Variants in TMEM178B observed in about 807,000 individuals in gnomAD.
The protein encoded by TMEM178B is transmembrane protein 178B.
In TMEM178B, 5 loss-of-function variants were observed where a neutral mutation model predicts 31.0. The ratio of observed to expected loss-of-function variants is 0.16; its 90% CI spans 0.08 to 0.34. The LOEUF (loss-of-function observed/expected upper bound fraction) is 0.34, where lower values mean the gene tolerates loss of function less well. TMEM178B is among the 10% of genes least tolerant of loss of function. The probability of loss-of-function intolerance (pLI) is 1.00; values close to 1 mark genes in which losing one functional copy is unlikely to be tolerated. For missense variants in TMEM178B, 275 were observed against 400.3 expected (o/e 0.69, Z 2.67); for synonymous variants, 164 against 164.0 (o/e 1.00, Z 0.00).
chr7:141,157,552 G>A (rs1796093146), intron 1 of TMEM178B, among the ~76,000 whole-genome samples: 1 of 152,080 alleles, frequency 6.6e-6, no homozygotes, highest in African/African-American at 2.4e-5. Flanking sequence ...GAGAGAGGAG[G>A]TCTGGGTCCA....
downstream of TMEM178B, among the ~76,000 whole-genome samples, chr7:141,485,284 G>C (rs138239579): frequency 2.7e-3 from 407 of 152,320 alleles, 3 homozygotes; most frequent in African/African-American, 8.7e-3. Context: ...AGATTGCAAA[G>C]ATTTCATTCA....
chr7:141,174,375 G>A (rs760932842), intron 1 of TMEM178B, among the ~76,000 whole-genome samples: 1 of 152,138 alleles, frequency 6.6e-6, no homozygotes, highest in African/African-American at 2.4e-5. Context: ...ATGGGCATTT[G>A]GGTTGTTCCA....
chr7:141,124,435 T>C (rs1795457217), intron 1 of TMEM178B, among the ~76,000 whole-genome samples: 2 of 152,158 alleles, frequency 1.3e-5, no homozygotes, highest in Non-Finnish European at 2.9e-5. Flanking sequence ...GGTTAGTCTA[T>C]CTGGTAATGA....
At chr7:141,400,493 C>T (rs956503240) in intron 2 of TMEM178B, among the ~76,000 whole-genome samples, 1 of 152,176 alleles carries the variant, frequency 6.6e-6, no homozygotes, top group African/African-American at 2.4e-5. Flanking sequence ...CCTAGAACCT[C>T]CTGTCTCCTC....
intron 2 of TMEM178B, among the ~76,000 whole-genome samples, chr7:141,321,792 C>G (rs561056766): frequency 6.6e-6 from 1 of 151,090 alleles, no homozygotes; most frequent in Admixed American, 6.6e-5. Context: ...TGCCCAGGCC[C>G]TGCCCTGGAG....
At chr7:141,217,458 G>A (rs904761431) in intron 2 of TMEM178B, among the ~76,000 whole-genome samples, 4 of 152,234 alleles carry the variant, frequency 2.6e-5, no homozygotes, top group Non-Finnish European at 4.4e-5. Flanking sequence ...AAGGAACTGG[G>A]ATGGCATGGA....
rs1032609902 is a variant in TMEM178B at position 141,323,256 on chromosome 7, C to A, written c.496+110552C>A. Among the ~76,000 whole-genome samples the A allele has an allele frequency of 5.9e-5, 9 of 152,184 alleles. 1 individual carries two copies. In the Middle Eastern group the frequency reaches 9.5e-3, roughly 161 times the overall value. On this transcript the variant is annotated intron_variant, in intron 2 of 3. Transcript: ENST00000565468. ...AAGAAAGCAAAAATCTCCTTAAATTCTTCTACCAAGATTGGCTGATTTGCC... is the reference window on the plus strand; with the variant it reads ...AAGAAAGCAAAAATCTCCTTAAATTATTCTACCAAGATTGGCTGATTTGCC...
At chr7:141,247,204 T>C (rs1368054741) in intron 2 of TMEM178B, among the ~76,000 whole-genome samples, 1 of 149,976 alleles carries the variant, frequency 6.7e-6, no homozygotes, top group Non-Finnish European at 1.5e-5. Flanking sequence ...GGTTTCTCTC[T>C]ACACACACAC....
At chr7:141,364,742 A>G (rs1472164822) in intron 2 of TMEM178B, among the ~76,000 whole-genome samples, 1 of 151,598 alleles carries the variant, frequency 6.6e-6, no homozygotes, top group Non-Finnish European at 1.5e-5. Context: ...TAGGTAACCC[A>G]AAGAATGGAG....
intron 1 of TMEM178B, among the ~76,000 whole-genome samples, chr7:141,124,975 C>A (rs1338199350): frequency 6.6e-6 from 1 of 152,124 alleles, no homozygotes; most frequent in African/African-American, 2.4e-5. Flanking sequence ...CCTAATATCC[C>A]CCTTTATTCT....
intron 2 of TMEM178B, among the ~76,000 whole-genome samples, chr7:141,268,067 G>A (rs1563136555): frequency 1.3e-5 from 2 of 152,164 alleles, no homozygotes; most frequent in Non-Finnish European, 2.9e-5. Context: ...TCTACAAAAT[G>A]TTCATGGAAA....
intron 1 of TMEM178B, among the ~76,000 whole-genome samples, chr7:141,197,285 A>G (rs1796798690): frequency 6.6e-6 from 1 of 152,236 alleles, no homozygotes; most frequent in East Asian, 1.9e-4. Context: ...AGAGGGCTTC[A>G]TTAATTTGGC....
At chr7:141,194,851 G>A (rs1321205932) in intron 1 of TMEM178B, among the ~76,000 whole-genome samples, 2 of 152,194 alleles carry the variant, frequency 1.3e-5, no homozygotes, top group African/African-American at 4.8e-5. Flanking sequence ...TGAAGTCTAG[G>A]TGCAGGTTCC....
chr7:141,401,722 A>G (rs1163087761), intron 2 of TMEM178B, among the ~76,000 whole-genome samples: 1 of 152,140 alleles, frequency 6.6e-6, no homozygotes, highest in African/African-American at 2.4e-5. Context: ...TATCTTTTTT[A>G]CAGGACAGAA....
chr7:141,307,439 C>T (rs1421974322), intron 2 of TMEM178B, among the ~76,000 whole-genome samples: 1 of 152,210 alleles, frequency 6.6e-6, no homozygotes, highest in South Asian at 2.1e-4. Flanking sequence ...GCGGCTGCCA[C>T]TCACTTGCTG....
intron 1 of TMEM178B, among the ~76,000 whole-genome samples, chr7:141,167,194 A>G (rs947457628): frequency 6.6e-6 from 1 of 152,216 alleles, no homozygotes; most frequent in Non-Finnish European, 1.5e-5. Flanking sequence ...GACACATGGA[A>G]CTAGTCTCCT....
rs975416278 is a variant in TMEM178B at position 141,476,099 on chromosome 7, C to T, written c.*5313C>T. The T allele has an allele frequency of 6.6e-6, 1 of 152,138 alleles. No homozygotes were observed. The highest frequency in any genetic ancestry group is 2.4e-5 in the African/African-American group (1 of 41,440). 9.4% of individuals were successfully genotyped at this position (152,138 alleles called of 1,614,324 possible). On this transcript the variant is annotated 3_prime_UTR_variant, in exon 4 of 4. Transcript: ENST00000565468. The stretch of plus-strand genomic sequence containing the variant: ...TGTTCTAATTATCCCTCAGAAGACC[C>T]CCCGCTGGAATGGAATTCTCACATC...
At chr7:141,144,568 C>G (rs1184902308) in intron 1 of TMEM178B, among the ~76,000 whole-genome samples, 2 of 152,120 alleles carry the variant, frequency 1.3e-5, no homozygotes, top group Non-Finnish European at 2.9e-5. Flanking sequence ...CAGTGCTGAA[C>G]CCAGACACAA....
At chr7:141,193,960 G>A (rs1050012486) in intron 1 of TMEM178B, among the ~76,000 whole-genome samples, 1 of 152,182 alleles carries the variant, frequency 6.6e-6, no homozygotes, top group Non-Finnish European at 1.5e-5. Context: ...AAATGAGGGA[G>A]AAGCAAAAGC....
Sources: allele counts gnomAD v4.1 joint callset (sites outside exome capture counted in the v4.1 genomes callset), GRCh38; gene constraint gnomAD v4.1.1; transcripts MANE v1.5; gene names NCBI Gene and HGNC (gene_info 2026-07-23, HGNC 2026-07-21).